The following WDR7 variants were observed in gnomAD, a reference collection of about 807,000 sequenced individuals.
WDR7 encodes WD repeat-containing protein 7.
In WDR7, 46 loss-of-function variants were observed where a neutral mutation model predicts 169.4. That is an observed-to-expected ratio of 0.27 (90% CI 0.21 to 0.35). WDR7 has a LOEUF of 0.35. WDR7 is among the 10% of genes least tolerant of loss of function. The pLI is 1.00. For synonymous variants in WDR7, 612 were observed against 666.8 expected, an observed-to-expected ratio of 0.92 and a Z score of 1.27; for missense variants, 1,534 against 1,859.3, an observed-to-expected ratio of 0.83 and a Z score of 3.22.
At chr18:56,673,529 G>T (rs1396024097) in intron 2 of WDR7, among the ~76,000 whole-genome samples, 5 of 151,960 alleles carry the variant, frequency 3.3e-5, no homozygotes, top group African/African-American at 1.2e-4. Flanking sequence ...AACAAACCCT[G>T]TACCCTTTAA....
intron 19 of WDR7, among the ~76,000 whole-genome samples, chr18:56,799,315 ATC>A (rs1056824542): frequency 7.2e-5 from 11 of 152,298 alleles, no homozygotes; most frequent in Admixed American, 5.9e-4. Flanking sequence ...TAAATGTAGA[ATC>A]TCTGTGAAAT....
chr18:56,830,335 AT>A (rs2045286567), intron 20 of WDR7, among the ~76,000 whole-genome samples: 1 of 152,206 alleles, frequency 6.6e-6, no homozygotes, highest in African/African-American at 2.4e-5. Flanking sequence ...ATGGAAAGCT[AT>A]TCTTCATGAT....
intron 1 of WDR7, among the ~76,000 whole-genome samples, chr18:56,670,400 C>T (rs181904184): frequency 7.9e-5 from 12 of 152,220 alleles, no homozygotes; most frequent in East Asian, 3.9e-4. Context: ...GTACTGAGTA[C>T]GAGTCGCCAA....
chr18:56,913,829 T>A (rs945813943), intron 21 of WDR7, among the ~76,000 whole-genome samples: 5 of 133,440 alleles, frequency 3.7e-5, no homozygotes, highest in Middle Eastern at 8.0e-3. Flanking sequence ...AATTCAGTTA[T>A]CACTACTCCA....
At chr18:56,664,654 T>G (rs2144477061) in intron 1 of WDR7, among the ~76,000 whole-genome samples, 1 of 152,308 alleles carries the variant, frequency 6.6e-6, no homozygotes, top group South Asian at 2.1e-4. Flanking sequence ...TGTTATTCTC[T>G]GTTTATTCAT....
intron 25 of WDR7, among the ~76,000 whole-genome samples, chr18:56,947,198 C>T (rs756934645): frequency 7.2e-5 from 11 of 152,152 alleles, no homozygotes; most frequent in Non-Finnish European, 7.3e-5. Context: ...AAATCACAAA[C>T]GTATTAGCCA....
chr18:56,897,063 C>T (rs1174256702), intron 21 of WDR7, among the ~76,000 whole-genome samples: 1 of 151,796 alleles, frequency 6.6e-6, no homozygotes, highest in East Asian at 1.9e-4. Flanking sequence ...TGAAAAGATG[C>T]TAAGCCCTAT....
chr18:56,815,290 A>G (rs1342372366), intron 19 of WDR7, among the ~76,000 whole-genome samples: 1 of 152,228 alleles, frequency 6.6e-6, no homozygotes, highest in African/African-American at 2.4e-5. Flanking sequence ...TGTGAAAAAT[A>G]TCGATGCACC....
intron 21 of WDR7, among the ~76,000 whole-genome samples, chr18:56,891,290 C>G (rs1045670022): frequency 6.6e-6 from 1 of 151,944 alleles, no homozygotes; most frequent in Non-Finnish European, 1.5e-5. Context: ...ATTTGGGAAC[C>G]AGAGCTTGGT....
In WDR7 at chr18:56,857,959, C is replaced by T. The variant is rs7234593; in HGVS notation, c.3305-21985C>T. ...TGGTACATGACTAGGTTTTCCCCAG[C>T]ATTCTCTGCTTGGTCCCCTCCTCTC... On this transcript the variant is annotated intron_variant, in intron 20 of 27. Transcript: ENST00000254442. Among the ~76,000 whole-genome samples the T allele has an allele frequency of 2.2e-3, 331 of 152,204 alleles. 3 individuals are homozygous for T. The highest frequency in any genetic ancestry group is 7.7e-3 in the African/African-American group (320 of 41,534).
chr18:56,969,548 T>C (rs1424166903), intron 26 of WDR7, among the ~76,000 whole-genome samples: 1 of 152,214 alleles, frequency 6.6e-6, no homozygotes, highest in Non-Finnish European at 1.5e-5. Context: ...CATTTATCTT[T>C]ATATTATATT....
chr18:56,880,263 C>A, intron 21 of WDR7, 98 bp downstream of exon 21: 1 of 1,185,472 alleles, frequency 8.4e-7, no homozygotes, highest in South Asian at 1.5e-5. Context: ...AGTTTTAGCT[C>A]ATTTAGATTG....
intron 20 of WDR7, among the ~76,000 whole-genome samples, chr18:56,871,194 C>T (rs760462187): frequency 1.3e-5 from 2 of 152,056 alleles, no homozygotes; most frequent in Non-Finnish European, 2.9e-5. Flanking sequence ...TCTGAAAGTT[C>T]GCTTGTTCTC....
intron 20 of WDR7, among the ~76,000 whole-genome samples, chr18:56,857,734 G>A (rs531366806): frequency 6.6e-6 from 1 of 152,226 alleles, no homozygotes; most frequent in Non-Finnish European, 1.5e-5. Context: ...AGGGATAAAG[G>A]ACAGAAAGTG....
chr18:56,778,103 A>C (rs1181673964), intron 17 of WDR7, among the ~76,000 whole-genome samples: 1 of 152,136 alleles, frequency 6.6e-6, no homozygotes, highest in Non-Finnish European at 1.5e-5. Flanking sequence ...TATTATAAAG[A>C]AGTTATAATC....
intron 20 of WDR7, among the ~76,000 whole-genome samples, chr18:56,836,414 TC>T (rs1234620238): frequency 6.6e-6 from 1 of 152,206 alleles, no homozygotes; most frequent in Admixed American, 6.5e-5. Context: ...TTAGGGCGGA[TC>T]CTGTCAGCAC....
chr18:56,862,648 A>T (rs1037551393), intron 20 of WDR7, among the ~76,000 whole-genome samples: 7 of 151,814 alleles, frequency 4.6e-5, no homozygotes, highest in African/African-American at 1.7e-4. Context: ...AATAGTGAAA[A>T]TTTTTTAATT....
chr18:56,693,016 G>A (rs972974405), intron 9 of WDR7, among the ~76,000 whole-genome samples: 4 of 152,104 alleles, frequency 2.6e-5, no homozygotes, highest in African/African-American at 9.7e-5. Context: ...AGTGAGCTGT[G>A]ATCGTGCCAC....
intron 3 of WDR7, 70 bp downstream of exon 3, chr18:56,679,508 C>A: frequency 9.7e-7 from 1 of 1,034,882 alleles, no homozygotes; most frequent in Non-Finnish European, 1.3e-6. Flanking sequence ...TTGTAAGTAG[C>A]GAGGTATTTT....
Sources: gnomAD v4.1 joint callset for allele counts (sites outside exome capture counted in the v4.1 genomes callset) on GRCh38, gnomAD v4.1.1 for gene constraint, MANE v1.5 for transcripts, NCBI Gene and HGNC (gene_info 2026-07-23, HGNC 2026-07-21) for gene names.